The following FMNL3 variants were observed in gnomAD, a reference collection of about 807,000 sequenced individuals.
The protein encoded by FMNL3 is formin like 3, also known as formin-like protein 3.
A neutral mutation model predicts 119.6 loss-of-function variants in FMNL3; 57 were observed. That is an observed-to-expected ratio of 0.48 (90% CI 0.39 to 0.59). The LOEUF (loss-of-function observed/expected upper bound fraction) is 0.59. FMNL3 is among the 20% of genes least tolerant of loss of function. The pLI, the probability that FMNL3 is intolerant of heterozygous loss-of-function variation, is 0.00. For synonymous variants in FMNL3, 491 were observed against 507.3 expected, an observed-to-expected ratio of 0.97 and a Z score of 0.43; for missense variants, 1,053 against 1,323.5, an observed-to-expected ratio of 0.80 and a Z score of 3.17.
chr12:49,649,164 A>G lies in FMNL3; in HGVS notation c.2386-6T>C, dbSNP rs1943311326. 6.2e-7 allele frequency: 1 copy of G among 1,612,448 alleles called. No homozygotes were observed. The highest frequency in any genetic ancestry group is 8.5e-7 in the Non-Finnish European group (1 of 1,179,144). ...GTGGACTTGGTATCCAGCAGCTAGGAGAGGGGGTGAGGGCGGTGCACAAGA... is the reference window on the plus strand; with the variant it reads ...GTGGACTTGGTATCCAGCAGCTAGGGGAGGGGGTGAGGGCGGTGCACAAGA... On this transcript the variant is annotated splice_region_variant and splice_polypyrimidine_tract_variant and intron_variant, in intron 20 of 25. Transcript: ENST00000335154. This position sits in a 1 kb window ranked among gnomAD's most constrained non-coding sequence, Gnocchi z 5.6.
intron 13 of FMNL3, among the ~76,000 whole-genome samples, chr12:49,652,748 T>G (rs1190153471): frequency 6.6e-6 from 1 of 152,114 alleles, no homozygotes; most frequent in African/African-American, 2.4e-5. Context: ...GAAAGTAGGA[T>G]GGGGGCATGA....
intron 1 of FMNL3, among the ~76,000 whole-genome samples, chr12:49,679,646 C>A (rs924501603): frequency 2.0e-5 from 3 of 150,896 alleles, no homozygotes; most frequent in Admixed American, 6.6e-5. Flanking sequence ...CCCACCTCAG[C>A]TTCCCCAGTA....
chr12:49,654,139 C>T (rs7299820), intron 11 of FMNL3, 53 bp downstream of exon 11: 35,815 of 1,513,030 alleles, frequency 0.024, 1,974 homozygotes, highest in African/African-American at 0.22. Context: ...ATTTGTGATA[C>T]GGCTAAACTG....
chr12:49,694,221 A>G (rs1944691093), intron 1 of FMNL3, among the ~76,000 whole-genome samples: 1 of 152,154 alleles, frequency 6.6e-6, no homozygotes, highest in African/African-American at 2.4e-5. Flanking sequence ...CGCCCAGCCT[A>G]TTTTTGGAGA....
Position 49,644,866 on chromosome 12 carries a change from T to A in FMNL3, c.*949A>T, listed in dbSNP as rs1264715550. The stretch of plus-strand genomic sequence containing the variant: ...CCCAAAGATTTCTTTTCTATCCCCA[T>A]AGCCCAGGTCAGACTAAATGGCCAC... On this transcript the variant is annotated 3_prime_UTR_variant, in exon 26 of 26. Transcript: ENST00000335154. 1 of 153,364 alleles carries A rather than the reference T, an allele frequency of 6.5e-6. No individual in the cohort carries two copies. The highest frequency in any genetic ancestry group is 6.4e-5 in the Admixed American group (1 of 15,556). 9.5% of individuals were successfully genotyped at this position (153,364 alleles called of 1,614,324 possible). A position where few individuals can be genotyped will look rare whatever the true frequency, so the allele number is the denominator to read the frequency against.
chr12:49,681,317 C>T (rs1489172233), intron 1 of FMNL3, among the ~76,000 whole-genome samples: 1 of 152,190 alleles, frequency 6.6e-6, no homozygotes, highest in East Asian at 1.9e-4. Flanking sequence ...TCTCCTGCCT[C>T]AGCCTCTCTG....
rs924712238 is a variant in FMNL3 at position 49,653,776 on chromosome 12, G to C, written c.1170C>G (p.Thr390=). Residue 390 remains threonine, a synonymous_variant, in exon 12 of 26, where the codon ACC becomes ACG. Transcript: ENST00000335154. ...DVGGLLEDAE[T]KNVALEKVEE... is the part of the protein sequence containing the mutation. The stretch of plus-strand genomic sequence containing the variant: ...CCACCTTCTCCAGGGCTACATTCTT[G>C]GTCTCAGCATCCTCCAACAAACCCC... 1.9e-6 allele frequency: 3 copies of C among 1,614,142 alleles called. No homozygotes were observed. Among genetic ancestry groups the C allele is most frequent in the South Asian group, 2.2e-5 (2 of 91,072 alleles).
At position 49,645,695 on chromosome 12, in the gene FMNL3, TG is replaced by T; in HGVS notation, c.*119del. 1 of 793,790 alleles carries T rather than the reference TG, an allele frequency of 1.3e-6. No homozygotes were observed. The highest frequency in any genetic ancestry group is 1.9e-6 in the Non-Finnish European group (1 of 515,212). The allele number at this position is 793,790 out of a possible 1,614,324, so 49.2% of individuals were successfully genotyped here. On this transcript the variant is annotated 3_prime_UTR_variant, in exon 26 of 26. Coordinates refer to ENST00000335154, the MANE Select transcript of FMNL3 (RefSeq NM_175736.5). The stretch of plus-strand genomic sequence containing the variant: ...AGTAGAAAGATCCAGCCTCAAGAGC[TG>T]GGGCGGACATGGTTGAGAGAGCAAC...
chr12:49,661,126 T>C (rs1408323898), intron 5 of FMNL3, among the ~76,000 whole-genome samples: 1 of 152,254 alleles, frequency 6.6e-6, no homozygotes, highest in Non-Finnish European at 1.5e-5. Context: ...ATGTTTATTA[T>C]GTAATTTCAT....
chr12:49,699,307 T>C (rs1197548034), intron 1 of FMNL3, among the ~76,000 whole-genome samples: 1 of 152,128 alleles, frequency 6.6e-6, no homozygotes, highest in African/African-American at 2.4e-5. Context: ...CTGCCCAGCC[T>C]CCCCAAGCAA....
chr12:49,692,699 G>A (rs976933289), intron 1 of FMNL3, among the ~76,000 whole-genome samples: 2 of 152,130 alleles, frequency 1.3e-5, no homozygotes, highest in Non-Finnish European at 2.9e-5. Flanking sequence ...CCTGTGCCAG[G>A]TATTTGGCTG....
rs1943286555 is a variant in FMNL3, at chr12:49,648,497, C to A, written c.2516-144G>T. The A allele has an allele frequency of 4.9e-6, 4 of 814,822 alleles. No homozygotes were observed. In the African/African-American group the frequency reaches 7.1e-5, roughly 15 times the overall value. The allele number at this position is 814,822 out of a possible 1,614,324, so 50.5% of individuals were successfully genotyped here. ...CTGTATGGACATAAGGAAGTACACACCAAGCTAGCTGATCCCTCACAGGGG... is the reference window on the plus strand; with the variant it reads ...CTGTATGGACATAAGGAAGTACACAACAAGCTAGCTGATCCCTCACAGGGG... On this transcript the variant is annotated intron_variant, in intron 21 of 25. Transcript: ENST00000335154.
At chr12:49,697,126 A>G (rs558860340) in intron 1 of FMNL3, among the ~76,000 whole-genome samples, 2 of 152,358 alleles carry the variant, frequency 1.3e-5, no homozygotes, top group Middle Eastern at 6.8e-3. Flanking sequence ...TCTCTCAAAC[A>G]TATTCCCAAC....
Position 49,646,038 on chromosome 12 carries a change from G to C in FMNL3, c.2996-135C>G, listed in dbSNP as rs76959017. ...TAAACAGGAGGCTTAGATAAGGCTT[G>C]AGGGGTACCCAGTTGGGGAAATTGC... is the stretch of plus-strand genomic sequence containing the variant. On this transcript the variant is annotated intron_variant, in intron 25 of 25. Transcript: ENST00000335154. The C allele has an allele frequency of 8.6e-3, 5,928 of 688,828 alleles. 97 individuals are homozygous for C. Among genetic ancestry groups the C allele is most frequent in the East Asian group, 0.047 (1,599 of 33,674 alleles). The allele number at this position is 688,828 out of a possible 1,614,324, so 42.7% of individuals were successfully genotyped here. A position where few individuals can be genotyped will look rare whatever the true frequency, so the allele number is the denominator to read the frequency against.
intron 11 of FMNL3, 85 bp from the exon 12 acceptor site, chr12:49,653,959 C>A: frequency 3.3e-6 from 5 of 1,507,528 alleles, no homozygotes; most frequent in South Asian, 1.3e-5. Flanking sequence ...AGTCCTCATC[C>A]CCCTTCGCCA....
At position 49,644,010 on chromosome 12, in the gene FMNL3, G is replaced by A; in HGVS notation, c.*1805C>T. On this transcript the variant is annotated 3_prime_UTR_variant, in exon 26 of 26. Transcript: ENST00000335154. ...TTGGAATCAAGAAGGAGAAGGTGAGGGGCAGGGGCCCTAGGCCAGTCAGCA... is the reference window on the plus strand; with the variant it reads ...TTGGAATCAAGAAGGAGAAGGTGAGAGGCAGGGGCCCTAGGCCAGTCAGCA... The A allele has an allele frequency of 6.2e-7, 1 of 1,614,114 alleles. No homozygotes were observed. Among genetic ancestry groups the A allele is most frequent in the Non-Finnish European group, 8.5e-7 (1 of 1,179,996 alleles).
In FMNL3 at chr12:49,642,573, G is replaced by A. The variant is rs375164506; in HGVS notation, c.*3242C>T. 4.3e-6 allele frequency: 7 copies of A among 1,614,056 alleles called. No homozygotes were observed. Among genetic ancestry groups the A allele is most frequent in the Middle Eastern group, 1.6e-4 (1 of 6,084 alleles). ...TAGTCTGATCAGCAGTGCTCTCCTCGTTCAAGGTCCGTGAGCGTTTTGTGT... is the reference window on the plus strand; with the variant it reads ...TAGTCTGATCAGCAGTGCTCTCCTCATTCAAGGTCCGTGAGCGTTTTGTGT... On this transcript the variant is annotated 3_prime_UTR_variant, in exon 26 of 26. Coordinates refer to ENST00000335154, the MANE Select transcript of FMNL3 (RefSeq NM_175736.5). The surrounding 1 kb of genome is among the most constrained non-coding windows in gnomAD (Gnocchi z 5.8).
chr12:49,650,285 T>C (rs928291382), intron 17 of FMNL3, among the ~76,000 whole-genome samples: 6 of 152,186 alleles, frequency 3.9e-5, no homozygotes, highest in Non-Finnish European at 2.9e-5. Context: ...ACTATGCTTC[T>C]CCCTCCAGGC....
At chr12:49,692,034 CAAAAAAAAA>C (rs773991970) in intron 1 of FMNL3, among the ~76,000 whole-genome samples, 4 of 23,120 alleles carry the variant, frequency 1.7e-4, no homozygotes, top group African/African-American at 4.4e-4. Flanking sequence ...GACTCCATCT[CAAAAAAAAA>C]AAAAAAAAAA....
Sources: allele counts gnomAD v4.1 joint callset (sites outside exome capture counted in the v4.1 genomes callset), GRCh38; gene constraint gnomAD v4.1.1; non-coding constraint Gnocchi (gnomAD v3.1); transcripts MANE v1.5; gene names NCBI Gene and HGNC (gene_info 2026-07-23, HGNC 2026-07-21).